KCNJ3: variants seen among roughly 807,000 people sequenced by gnomAD.
KCNJ3 encodes the protein potassium inwardly rectifying channel subfamily J member 3, also known as G protein-activated inward rectifier potassium channel 1.
KCNJ3 carries 4 observed loss-of-function variants against 39.2 expected under a neutral mutation model. That is an observed-to-expected ratio of 0.10 (90% CI 0.05 to 0.23). The LOEUF (loss-of-function observed/expected upper bound fraction) is 0.23. KCNJ3 is among the 10% of genes least tolerant of loss of function. KCNJ3 has a pLI of 1.00. For synonymous variants in KCNJ3, 230 were observed against 237.4 expected, an observed-to-expected ratio of 0.97 and a Z score of 0.29; for missense variants, 276 against 634.9, an observed-to-expected ratio of 0.43 and a Z score of 6.08.
intron 2 of KCNJ3, among the ~76,000 whole-genome samples, chr2:154,771,816 G>T (rs115251214): frequency 9.8e-4 from 149 of 152,286 alleles, no homozygotes; most frequent in African/African-American, 3.3e-3. Flanking sequence ...GTCATGGGTT[G>T]TACTCCTCTA....
intron 2 of KCNJ3, among the ~76,000 whole-genome samples, chr2:154,769,725 C>CT (rs1324994779): frequency 6.6e-6 from 1 of 151,992 alleles, no homozygotes; most frequent in Non-Finnish European, 1.5e-5. Flanking sequence ...AGGATTCCCT[C>CT]TTTTTCTATT....
chr2:154,709,018 T>C (rs551412530), intron 1 of KCNJ3, among the ~76,000 whole-genome samples: 2 of 152,356 alleles, frequency 1.3e-5, no homozygotes, highest in South Asian at 4.1e-4. Context: ...TTTATTTTTA[T>C]TATGTAAGCT....
At chr2:154,764,810 A>G (rs1040294628) in intron 2 of KCNJ3, among the ~76,000 whole-genome samples, 1 of 152,172 alleles carries the variant, frequency 6.6e-6, no homozygotes, top group Non-Finnish European at 1.5e-5. Context: ...CCTAAGGGCC[A>G]TGGGTTGGAC....
In KCNJ3 at chr2:154,699,123, C is replaced by A. The variant is rs372475497; in HGVS notation, c.348C>A (p.His116Gln). The A allele has an allele frequency of 1.2e-6, 2 of 1,614,244 alleles. No individual in the cohort carries two copies. The highest frequency in any genetic ancestry group is 1.7e-6 in the Non-Finnish European group (2 of 1,180,050). Residue 116 changes from histidine (H) to glutamine (Q), a missense_variant, in exon 1 of 3, where the codon CAC (histidine) becomes CAA (glutamine). Physicochemically the swap from His to Gln is conservative, Grantham distance 24. This residue lies in a region of KCNJ3 where 46 missense variants were observed against 206.6 expected (regional missense o/e 0.22). Coordinates refer to ENST00000295101, the MANE Select transcript of KCNJ3 (RefSeq NM_002239.4). The surrounding 1 kb of genome is among the most constrained non-coding windows in gnomAD (Gnocchi z 6.4). ...AYTRGDLNKA[H>Q]VGNYTPCVAN... is the part of the protein sequence containing the mutation. ...CTCGGGGCGACCTGAACAAAGCCCA[C>A]GTCGGTAACTACACGCCTTGCGTGG...
chr2:154,777,481 T>C (rs1456161475), intron 2 of KCNJ3, among the ~76,000 whole-genome samples: 1 of 152,172 alleles, frequency 6.6e-6, no homozygotes, highest in Non-Finnish European at 1.5e-5. Flanking sequence ...TTATCTTCCT[T>C]TTCTATCAAA....
intron 2 of KCNJ3, among the ~76,000 whole-genome samples, chr2:154,814,632 C>T (rs1055548812): frequency 4.6e-5 from 7 of 151,356 alleles, no homozygotes; most frequent in East Asian, 3.9e-4. Context: ...AGCAAGACTC[C>T]GTCTCAAAAA....
chr2:154,737,190 A>G (rs935086342), intron 2 of KCNJ3, among the ~76,000 whole-genome samples: 3 of 152,182 alleles, frequency 2.0e-5, no homozygotes, highest in Admixed American at 6.5e-5. Flanking sequence ...GACAGAGAAG[A>G]AAACCTCATA....
At chr2:154,794,790 T>G (rs1161938748) in intron 2 of KCNJ3, among the ~76,000 whole-genome samples, 1 of 152,042 alleles carries the variant, frequency 6.6e-6, no homozygotes, top group Non-Finnish European at 1.5e-5. Flanking sequence ...GATAGTTTAG[T>G]GACTAGTCAT....
At chr2:154,750,264 A>C (rs546985894) in intron 2 of KCNJ3, among the ~76,000 whole-genome samples, 1 of 152,102 alleles carries the variant, frequency 6.6e-6, no homozygotes, top group East Asian at 1.9e-4. Flanking sequence ...TAACTGACAA[A>C]GACTTCATTT....
intron 2 of KCNJ3, among the ~76,000 whole-genome samples, chr2:154,754,522 G>A (rs541735972): frequency 7.9e-5 from 12 of 152,126 alleles, no homozygotes; most frequent in African/African-American, 1.4e-4. Context: ...CAATCCACCC[G>A]CCTTGGCCTC....
chr2:154,737,312 A>T (rs1002895104), intron 2 of KCNJ3, among the ~76,000 whole-genome samples: 2 of 152,240 alleles, frequency 1.3e-5, no homozygotes, highest in Non-Finnish European at 2.9e-5. Context: ...TAAAAGTAAG[A>T]TTTGAAAAAG....
chr2:154,826,055 C>T (rs533622142), intron 2 of KCNJ3, among the ~76,000 whole-genome samples: 84 of 152,200 alleles, frequency 5.5e-4, no homozygotes, highest in Non-Finnish European at 3.4e-4. Flanking sequence ...GATAATACTT[C>T]TCTCCCATTT....
At chr2:154,797,422 A>G (rs993652566) in intron 2 of KCNJ3, among the ~76,000 whole-genome samples, 2 of 152,150 alleles carry the variant, frequency 1.3e-5, no homozygotes, top group African/African-American at 4.8e-5. Flanking sequence ...TAATAAACCA[A>G]AACTCCGTAA....
intron 2 of KCNJ3, among the ~76,000 whole-genome samples, chr2:154,746,715 G>T (rs1685751676): frequency 6.7e-6 from 1 of 149,770 alleles, no homozygotes; most frequent in Non-Finnish European, 1.5e-5. Flanking sequence ...AATTTATTTG[G>T]AAAAAGAATC....
At chr2:154,765,893 T>C (rs1432443308) in intron 2 of KCNJ3, among the ~76,000 whole-genome samples, 1 of 152,164 alleles carries the variant, frequency 6.6e-6, no homozygotes, top group Non-Finnish European at 1.5e-5. Flanking sequence ...AAGCAAATAC[T>C]AGAAGAAAAA....
chr2:154,829,920 A>AGAT (rs1234325377), intron 2 of KCNJ3, among the ~76,000 whole-genome samples: 1 of 152,094 alleles, frequency 6.6e-6, no homozygotes, highest in Non-Finnish European at 1.5e-5. Context: ...TGTTGGTGAC[A>AGAT]GATATATCTT....
intron 2 of KCNJ3, among the ~76,000 whole-genome samples, chr2:154,773,777 G>A (rs532595476): frequency 5.9e-5 from 9 of 152,044 alleles, no homozygotes; most frequent in East Asian, 3.8e-4. Flanking sequence ...CACACTTGAC[G>A]CATGTCTTAA....
rs1051901595 is a variant in KCNJ3 at position 154,781,096 on chromosome 2, T to C, written c.919+71277T>C. ...GAGATATGAGAAGGACAACTGGCCC[T>C]TTGAAGATGGAAGCAGGCCAGACTA... On this transcript the variant is annotated intron_variant, in intron 2 of 2. Transcript: ENST00000295101. 3.3e-5 allele frequency among the ~76,000 whole-genome samples: 5 copies of C among 152,240 alleles called. No homozygotes were observed. The East Asian group carries it at 9.7e-4, about 29-fold the overall frequency.
intron 2 of KCNJ3, among the ~76,000 whole-genome samples, chr2:154,811,143 C>T (rs1574471038): frequency 6.6e-6 from 1 of 152,154 alleles, no homozygotes; most frequent in Non-Finnish European, 1.5e-5. Context: ...AGGATGTACA[C>T]ATCCAGAAAC....
Sources: gnomAD v4.1 joint callset for allele counts (sites outside exome capture counted in the v4.1 genomes callset) on GRCh38, gnomAD v4.1.1 for gene constraint, gnomAD v4.1.1 regional missense constraint, Gnocchi (gnomAD v3.1) non-coding constraint, MANE v1.5 for transcripts, NCBI Gene and HGNC (gene_info 2026-07-23, HGNC 2026-07-21) for gene names.